Variants in CDON observed in about 807,000 individuals in gnomAD.
CDON encodes the protein cell adhesion associated, oncogene regulated.
Under a neutral mutation model 120.9 loss-of-function variants are expected in CDON, and 73 were observed. The observed-to-expected ratio is 0.60, with a 90% CI of 0.50 to 0.73. The LOEUF is 0.73. CDON is among the 30% of genes least tolerant of loss of function. The probability of loss-of-function intolerance (pLI) is 0.00; values close to 1 mark genes in which losing one functional copy is unlikely to be tolerated. For synonymous variants in CDON, 566 were observed against 573.5 expected, an observed-to-expected ratio of 0.99 and a Z score of 0.19; for missense variants, 1,470 against 1,587.3, an observed-to-expected ratio of 0.93 and a Z score of 1.26.
At chr11:126,004,155 C>T in intron 9 of CDON, 79 bp from the exon 10 acceptor site, 2 of 1,395,880 alleles carry the variant, frequency 1.4e-6, no homozygotes, top group South Asian at 2.4e-5. Context: ...TTGATCAAAA[C>T]TAGGATTCAT....
intron 18 of CDON, among the ~76,000 whole-genome samples, chr11:125,969,253 C>T (rs1012089828): frequency 3.9e-5 from 6 of 152,220 alleles, no homozygotes; most frequent in African/African-American, 1.2e-4. Flanking sequence ...CTGCCTTAGT[C>T]TCCCAAAGTG....
chr11:125,974,999 A>G (rs538053237), intron 18 of CDON, among the ~76,000 whole-genome samples: 1 of 151,490 alleles, frequency 6.6e-6, no homozygotes, highest in South Asian at 2.1e-4. Flanking sequence ...CCCATTCCCC[A>G]TGTCTCACTG....
At chr11:126,047,853 TA>T (rs955089540) in intron 1 of CDON, among the ~76,000 whole-genome samples, 1 of 152,254 alleles carries the variant, frequency 6.6e-6, no homozygotes, top group Non-Finnish European at 1.5e-5. Flanking sequence ...AAATTCATTC[TA>T]AATTCAATCA....
chr11:125,984,486 C>A (rs1946406050), intron 15 of CDON, among the ~76,000 whole-genome samples: 1 of 152,274 alleles, frequency 6.6e-6, no homozygotes, highest in Middle Eastern at 3.4e-3. Context: ...TGTCTGAGCT[C>A]AGGAGTTTGC....
intron 7 of CDON, among the ~76,000 whole-genome samples, chr11:126,011,895 T>C (rs1350840833): frequency 2.0e-5 from 3 of 152,202 alleles, no homozygotes; most frequent in Admixed American, 6.5e-5. Flanking sequence ...ACCCTGAGTT[T>C]CACTTTTACC....
At chr11:126,059,669 G>A (rs539558883) in intron 1 of CDON, among the ~76,000 whole-genome samples, 5 of 152,162 alleles carry the variant, frequency 3.3e-5, no homozygotes, top group Non-Finnish European at 5.9e-5. Context: ...AAGGAGCAGC[G>A]AGTCTGTTCC....
At chr11:126,031,843 T>G in intron 1 of CDON, among the ~76,000 whole-genome samples, 1 of 152,346 alleles carries the variant, frequency 6.6e-6, no homozygotes, top group East Asian at 1.9e-4. Flanking sequence ...CGTGAAGGAA[T>G]TGCTCACCAT....
Position 125,994,323 on chromosome 11 carries a change from T to C in CDON, c.2611A>G (p.Ser871Gly), listed in dbSNP as rs1168313371. 1.2e-6 allele frequency: 2 copies of C among 1,603,608 alleles called. No individual in the cohort carries two copies. Among genetic ancestry groups the C allele is most frequent in the Admixed American group, 1.7e-5 (1 of 60,012 alleles). Residue 871 changes from serine (S) to glycine (G), a missense_variant, in exon 14 of 20, where the codon AGT becomes GGT. Coordinates refer to ENST00000531738, the MANE Select transcript of CDON (RefSeq NM_001378964.1). The part of the protein sequence containing the change: ...GFYIYYRPTD[S>G]DNDSDYKRDV... Reference sequence around the variant, plus strand: ...CTCTTGTAATCACTGTCATTGTCACTATCTGTTGGTCGGTAATAGATATAA... The same window carrying C: ...CTCTTGTAATCACTGTCATTGTCACCATCTGTTGGTCGGTAATAGATATAA...
Position 126,017,213 on chromosome 11 carries a change from C to T in CDON, c.803G>A (p.Trp268Ter). ...DGQDIAPGSNWRRLYSHLATD... is the reference protein window; with the variant it reads ...DGQDIAPGSN ...GGCAAGATGAGAATACAACCTTCTC[C>T]AGTTGCTTCCTGGTGCAATGTCCTG... Residue 268 changes from tryptophan (W) to a stop codon, truncating the protein, a stop_gained, in exon 6 of 20, where the codon TGG (tryptophan) becomes TAG (stop). Coordinates refer to ENST00000531738, the MANE Select transcript of CDON (RefSeq NM_001378964.1). LOFTEE classifies it high-confidence loss of function. 1 of 1,614,172 alleles carries T rather than the reference C, an allele frequency of 6.2e-7. No homozygotes were observed. The highest frequency in any genetic ancestry group is 2.2e-5 in the East Asian group (1 of 44,878).
Position 125,960,588 on chromosome 11 carries a change from C to T in CDON, c.*354G>A, listed in dbSNP as rs1043985189. Reference sequence around the variant, plus strand: ...CAACCTTCAACGGGCCCCTGCATTCCCTCCTAGCCGAAGCAGCCAAGAGAT... The same window carrying T: ...CAACCTTCAACGGGCCCCTGCATTCTCTCCTAGCCGAAGCAGCCAAGAGAT... On this transcript the variant is annotated 3_prime_UTR_variant, in exon 20 of 20. Transcript: ENST00000531738. 9.5e-5 allele frequency: 25 copies of T among 263,262 alleles called. No individual in the cohort carries two copies. The highest frequency in any genetic ancestry group is 4.0e-4 in the Admixed American group (8 of 19,812). The allele number at this position is 263,262 out of a possible 1,614,324, so 16.3% of individuals were successfully genotyped here.
intron 1 of CDON, 107 bp from the exon 2 acceptor site, chr11:126,023,644 G>C: frequency 1.5e-6 from 1 of 674,636 alleles, no homozygotes; most frequent in Middle Eastern, 3.9e-4. Flanking sequence ...TCTGTGTAGA[G>C]TACGTCAAAT....
intron 18 of CDON, among the ~76,000 whole-genome samples, chr11:125,977,320 C>G (rs959600739): frequency 1.3e-4 from 20 of 152,208 alleles, no homozygotes; most frequent in African/African-American, 4.3e-4. Context: ...TTCTGCAACT[C>G]TCAAAACACA....
chr11:126,062,332 T>G (rs1376441427), intron 1 of CDON, among the ~76,000 whole-genome samples: 1 of 151,960 alleles, frequency 6.6e-6, no homozygotes, highest in Non-Finnish European at 1.5e-5. Context: ...GTCGTGTCAC[T>G]GACACCTCAC....
chr11:126,018,348 G>C lies in CDON; in HGVS notation c.622C>G (p.Arg208Gly), dbSNP rs767611891. 2.5e-6 allele frequency: 4 copies of C among 1,613,822 alleles called. No homozygotes were observed. Among genetic ancestry groups the C allele is most frequent in the South Asian group, 2.2e-5 (2 of 91,054 alleles). The change falls in exon 5 of 20, where the codon CGA becomes GGA. Residue 208 changes from arginine to glycine, a missense_variant. Transcript: ENST00000531738. ...THQLKVEPIGRKLLVSRPSSD... is the reference protein window; with the variant it reads ...THQLKVEPIGGKLLVSRPSSD... ...TACTTACGACTCACAAGGAGCTTTC[G>C]GCCAATAGGTTCAACTTTTAATTGA...
In CDON at chr11:126,041,269, A is replaced by G. The variant is rs542927649; in HGVS notation, c.-61-17732T>C. Reference sequence around the variant, plus strand: ...TAAACCTAAGGGAAAAAGACCACAAACAACACCAAAGGCACTATTATTTTG... The same window carrying G: ...TAAACCTAAGGGAAAAAGACCACAAGCAACACCAAAGGCACTATTATTTTG... On this transcript the variant is annotated intron_variant, in intron 1 of 19. Transcript: ENST00000531738. 1.8e-4 allele frequency among the ~76,000 whole-genome samples: 27 copies of G among 152,292 alleles called. No individual in the cohort carries two copies. The East Asian group carries it at 3.9e-3, about 22-fold the overall frequency.
At position 125,995,077 on chromosome 11, in the gene CDON, A is replaced by AAAC. The variant is rs138741332; in HGVS notation, c.2363-28_2363-26dup. ...CCTTTGAGGGAAAACAAAAACAAACAAACAACAACAACAAAAACATAACTA... is the reference window on the plus strand; with the variant it reads ...CCTTTGAGGGAAAACAAAAACAAACAAACAACAACAACAACAAAAACATAACTA... On this transcript the variant is annotated intron_variant, in intron 12 of 19. Transcript: ENST00000531738. 133 of 1,566,634 alleles carry AAAC rather than the reference A, an allele frequency of 8.5e-5. No homozygotes were observed. In the African/African-American group the frequency reaches 1.6e-3, roughly 19 times the overall value.
intron 1 of CDON, among the ~76,000 whole-genome samples, chr11:126,028,707 A>AATTT (rs60571626): frequency 0.42 from 61,228 of 145,714 alleles, 14,063 homozygotes; most frequent in Admixed American, 0.53. Context: ...AGCTGCGGAG[A>AATTT]ATTTATTTAT....
Position 126,001,725 on chromosome 11 carries a change from T to G in CDON, c.2152A>C (p.Ser718Arg). The change falls in exon 11 of 20, where the codon AGT (serine) becomes CGT (arginine). Residue 718 changes from serine to arginine, a missense_variant. Ser to Arg is a moderately radical substitution (Grantham distance 110). Coordinates refer to ENST00000531738, the MANE Select transcript of CDON (RefSeq NM_001378964.1). ...GVVLTDSSRH[S>R]GVPEAPDRPT... ...AAAATATTCTTCTTTTTACCTCCACTGTGCCTAGAGGAATCTGTAAGTACC... is the reference window on the plus strand; with the variant it reads ...AAAATATTCTTCTTTTTACCTCCACGGTGCCTAGAGGAATCTGTAAGTACC... 1 of 1,613,432 alleles carries G rather than the reference T, an allele frequency of 6.2e-7. No homozygotes were observed. The highest frequency in any genetic ancestry group is 8.5e-7 in the Non-Finnish European group (1 of 1,179,416).
At position 125,989,723 on chromosome 11, in the gene CDON, G is replaced by T; in HGVS notation, c.2687C>A (p.Pro896Gln). 6.2e-7 allele frequency: 1 copy of T among 1,612,974 alleles called. No homozygotes were observed. The highest frequency in any genetic ancestry group is 8.5e-7 in the Non-Finnish European group (1 of 1,179,186). ...CATTTTAATGTCATAGGAGGTTTCTGGCTGCAGGTGGCCAATCATGTGCCA... is the reference window on the plus strand; with the variant it reads ...CATTTTAATGTCATAGGAGGTTTCTTGCTGCAGGTGGCCAATCATGTGCCA... ...KQWHMIGHLQPETSYDIKMQC... is the reference protein window; with the variant it reads ...KQWHMIGHLQQETSYDIKMQC... Residue 896 changes from proline (P) to glutamine (Q), a missense_variant, in exon 15 of 20, where the codon CCA (proline) becomes CAA (glutamine). Physicochemically the swap from Pro to Gln is moderately conservative, Grantham distance 76. Coordinates refer to ENST00000531738, the MANE Select transcript of CDON (RefSeq NM_001378964.1).
Sources: gnomAD v4.1 joint callset for allele counts (sites outside exome capture counted in the v4.1 genomes callset) on GRCh38, gnomAD v4.1.1 for gene constraint, MANE v1.5 for transcripts, NCBI Gene and HGNC (gene_info 2026-07-23, HGNC 2026-07-21) for gene names.